PLEKHG1: variants seen among roughly 807,000 people sequenced by gnomAD.
PLEKHG1 encodes pleckstrin homology and RhoGEF domain containing G1, also known as pleckstrin homology domain-containing family G member 1.
A neutral mutation model predicts 100.8 loss-of-function variants in PLEKHG1; 44 were observed. The ratio of observed to expected loss-of-function variants is 0.44; its 90% CI spans 0.34 to 0.56. The LOEUF is 0.56. PLEKHG1 is among the 20% of genes least tolerant of loss of function. The pLI is 0.01. For missense variants in PLEKHG1, 1,545 were observed against 1,720.9 expected (o/e 0.90, Z 1.81); for synonymous variants, 640 against 662.5 (o/e 0.97, Z 0.52).
Position 150,831,508 on chromosome 6 carries a change from C to T in PLEKHG1, c.2397C>T (p.Tyr799=). 3 of 1,614,074 alleles carry T rather than the reference C, an allele frequency of 1.9e-6. No individual in the cohort carries two copies. Among genetic ancestry groups the T allele is most frequent in the African/African-American group, 1.3e-5 (1 of 75,048 alleles). ...AGCTCAGTGAGGACGAAGCCCCTTA[C>T]CATCAGGCCACTCCCGATCATGGTT... is the stretch of plus-strand genomic sequence containing the variant. The change falls in exon 15 of 16, where the codon TAC becomes TAT. Residue 799 remains tyrosine (Y), a synonymous_variant. Transcript: ENST00000358517. This position sits in a 1 kb window ranked among gnomAD's most constrained non-coding sequence, Gnocchi z 4.1.
At chr6:150,743,946 G>A (rs1783016142) in intron 2 of PLEKHG1, among the ~76,000 whole-genome samples, 1 of 152,212 alleles carries the variant, frequency 6.6e-6, no homozygotes, top group South Asian at 2.1e-4. Context: ...ATGGACGAAA[G>A]CCATCAGATA....
chr6:150,754,571 A>G lies in PLEKHG1; in HGVS notation c.412-14067A>G, dbSNP rs544740985. On this transcript the variant is annotated intron_variant, in intron 2 of 15. Coordinates refer to ENST00000358517, the Ensembl canonical transcript of PLEKHG1. ...AGAGGACAAGTCAGTTTCAAAAAAGATATAGGTGGGAGAGGAGAGGCGGGA... is the reference window on the plus strand; with the variant it reads ...AGAGGACAAGTCAGTTTCAAAAAAGGTATAGGTGGGAGAGGAGAGGCGGGA... Among the ~76,000 whole-genome samples the G allele has an allele frequency of 3.1e-3, 473 of 152,148 alleles. 4 individuals are homozygous for G. The highest frequency in any genetic ancestry group is 0.01 in the African/African-American group (428 of 41,510).
chr6:150,708,908 T>C (rs1781133465), intron 3 of PLEKHG1, among the ~76,000 whole-genome samples: 1 of 152,226 alleles, frequency 6.6e-6, no homozygotes, highest in Non-Finnish European at 1.5e-5. Flanking sequence ...GTGGAGATGA[T>C]GTCAGTGAAC....
intron 1 of PLEKHG1, among the ~76,000 whole-genome samples, chr6:150,613,579 C>T (rs866580122): frequency 2.6e-5 from 4 of 152,128 alleles, no homozygotes; most frequent in South Asian, 2.1e-4. Context: ...GCTGTGGGTG[C>T]GAGGGGAAGC....
chr6:150,700,837 C>T (rs1430784298), intron 3 of PLEKHG1, among the ~76,000 whole-genome samples: 1 of 152,094 alleles, frequency 6.6e-6, no homozygotes, highest in African/African-American at 2.4e-5. Flanking sequence ...CAAAACAGCA[C>T]CTGGCACTTA....
chr6:150,628,913 G>C (rs148615816), intron 1 of PLEKHG1, among the ~76,000 whole-genome samples: 1 of 152,174 alleles, frequency 6.6e-6, no homozygotes, highest in Non-Finnish European at 1.5e-5. Context: ...AATGGAAATA[G>C]AGAAGTTCAT....
At chr6:150,778,632 C>T (rs1457706113) in intron 3 of PLEKHG1, among the ~76,000 whole-genome samples, 1 of 152,146 alleles carries the variant, frequency 6.6e-6, no homozygotes, top group East Asian at 1.9e-4. Context: ...TAGTACTTTT[C>T]ACCCCTGGTC....
At chr6:150,718,267 C>T (rs76193635), upstream of PLEKHG1, among the ~76,000 whole-genome samples, 4,661 of 152,194 alleles carry the variant, frequency 0.031, 95 homozygotes, top group South Asian at 0.053. Flanking sequence ...ACCAGCAGCG[C>T]ACCTCCAAGA....
At chr6:150,626,506 GCCGGGCTCT>G (rs984723889) in intron 1 of PLEKHG1, among the ~76,000 whole-genome samples, 2 of 151,972 alleles carry the variant, frequency 1.3e-5, no homozygotes, top group Non-Finnish European at 2.9e-5. Flanking sequence ...TCTGTTTACT[GCCGGGCTCT>G]CCGGAGTGAA....
rs115425138 is a variant in PLEKHG1 at position 150,628,917 on chromosome 6, A to G, written c.-203-9163A>G. On this transcript the variant is annotated intron_variant, in intron 1 of 3. Transcript: ENST00000367326. ...GACTGGAATGCAATGGAAATAGAGA[A>G]GTTCATCCACGAGCAAGTGAGTGTG... Among the ~76,000 whole-genome samples the G allele has an allele frequency of 5.9e-3, 903 of 152,302 alleles. 11 individuals are homozygous for G. The highest frequency in any genetic ancestry group is 0.019 in the African/African-American group (809 of 41,562).
intron 11 of PLEKHG1, among the ~76,000 whole-genome samples, chr6:150,818,864 C>G (rs978245073): frequency 2.6e-5 from 4 of 152,238 alleles, no homozygotes; most frequent in African/African-American, 9.6e-5. Flanking sequence ...TTACTTAACC[C>G]TTTCATAAGA....
intron 10 of PLEKHG1, among the ~76,000 whole-genome samples, chr6:150,813,318 A>C (rs1055768974): frequency 1.3e-5 from 2 of 151,488 alleles, no homozygotes; most frequent in African/African-American, 4.8e-5. Flanking sequence ...AAAAAAAAAA[A>C]ACAAAATGGA....
At chr6:150,792,841 G>A (rs1016026894) in intron 4 of PLEKHG1, among the ~76,000 whole-genome samples, 4 of 152,158 alleles carry the variant, frequency 2.6e-5, no homozygotes, top group Admixed American at 2.0e-4. Flanking sequence ...AAGAATGAGT[G>A]TGGGGCACAA....
chr6:150,839,910 G>T, exon 16 of PLEKHG1: 1 of 1,614,002 alleles, frequency 6.2e-7, no homozygotes, highest in Non-Finnish European at 8.5e-7. Context: ...TCAGAAGGAT[G>T]GCTGGGCCAG....
At chr6:150,617,603 G>A (rs1259749287) in intron 1 of PLEKHG1, among the ~76,000 whole-genome samples, 2 of 152,174 alleles carry the variant, frequency 1.3e-5, no homozygotes, top group Non-Finnish European at 2.9e-5. Context: ...ACTCAGTAAG[G>A]TTTGGGGCTA....
intron 10 of PLEKHG1, among the ~76,000 whole-genome samples, chr6:150,812,546 G>A (rs1787593652): frequency 6.6e-6 from 1 of 152,202 alleles, no homozygotes. Context: ...TAAGAGAAAA[G>A]GGAGAGATCA....
chr6:150,765,833 T>C (rs1314683578), intron 2 of PLEKHG1, among the ~76,000 whole-genome samples: 1 of 152,238 alleles, frequency 6.6e-6, no homozygotes, highest in Non-Finnish European at 1.5e-5. Flanking sequence ...ATTAGATTGA[T>C]ATTAAATCAT....
chr6:150,621,679 C>T (rs1777307574), intron 1 of PLEKHG1, among the ~76,000 whole-genome samples: 1 of 152,112 alleles, frequency 6.6e-6, no homozygotes, highest in Non-Finnish European at 1.5e-5. Context: ...CTGGCTGGCA[C>T]AAATCACTTT....
At chr6:150,817,600 C>T (rs937278827) in intron 10 of PLEKHG1, among the ~76,000 whole-genome samples, 1 of 147,426 alleles carries the variant, frequency 6.8e-6, no homozygotes, top group African/African-American at 2.5e-5. Flanking sequence ...CTCTGTCGCC[C>T]AGGCTAGAGT....
Sources: allele counts gnomAD v4.1 joint callset (sites outside exome capture counted in the v4.1 genomes callset), GRCh38; gene constraint gnomAD v4.1.1; non-coding constraint Gnocchi (gnomAD v3.1); transcripts MANE v1.5; gene names NCBI Gene and HGNC (gene_info 2026-07-23, HGNC 2026-07-21).